PRDM10: variants seen among roughly 807,000 people sequenced by gnomAD.
PRDM10 encodes PR domain zinc finger protein 10.
A neutral mutation model predicts 133.1 loss-of-function variants in PRDM10; 65 were observed. That is an observed-to-expected ratio of 0.49 (90% CI 0.40 to 0.60). The LOEUF (loss-of-function observed/expected upper bound fraction) is 0.60, where lower values mean the gene tolerates loss of function less well. PRDM10 is among the 20% of genes least tolerant of loss of function. The pLI, the probability that PRDM10 is intolerant of heterozygous loss-of-function variation, is 0.00. For missense variants in PRDM10, 1,137 were observed against 1,507.1 expected (o/e 0.75, Z 4.07); for synonymous variants, 582 against 580.4 (o/e 1.00, Z -0.04).
At chr11:129,948,471 C>CCT (rs1951491708) in intron 4 of PRDM10, among the ~76,000 whole-genome samples, 2 of 152,198 alleles carry the variant, frequency 1.3e-5, no homozygotes, top group Admixed American at 6.5e-5. Context: ...CCCTGAGTCT[C>CCT]CTCTGCTCTG....
chr11:129,981,301 A>C (rs1002113057), intron 1 of PRDM10, among the ~76,000 whole-genome samples: 3 of 152,164 alleles, frequency 2.0e-5, no homozygotes, highest in African/African-American at 7.2e-5. Flanking sequence ...TGTTTGAAAT[A>C]AAAAGTAAAA....
Position 129,902,439 on chromosome 11 carries a change from G to A in PRDM10, c.3345C>T (p.Val1115=), listed in dbSNP as rs749667742. The A allele has an allele frequency of 1.2e-5, 19 of 1,614,024 alleles. No individual in the cohort carries two copies. Among genetic ancestry groups the A allele is most frequent in the Middle Eastern group, 1.6e-4 (1 of 6,084 alleles). The change falls in exon 21 of 21, where the codon GTC becomes GTT. Residue 1115 remains valine (V), a synonymous_variant. Transcript: ENST00000360871. ...GGGAGTCACTGTGTGCAGGTGGCTC[G>A]ACCTGGACTCCACCAGAGAGGGCAG... ...QTSALSGGVQ[V]EPPAHSDSLD... is the part of the protein sequence containing the mutation.
intron 2 of PRDM10, among the ~76,000 whole-genome samples, chr11:129,959,319 C>T (rs1196004212): frequency 6.6e-6 from 1 of 152,228 alleles, no homozygotes; most frequent in Non-Finnish European, 1.5e-5. Flanking sequence ...AAATTAGGCT[C>T]ATATTTAAGC....
chr11:129,941,766 C>A (rs1951214827), intron 7 of PRDM10, among the ~76,000 whole-genome samples: 1 of 152,212 alleles, frequency 6.6e-6, no homozygotes, highest in African/African-American at 2.4e-5. Context: ...TAGGTTAATG[C>A]AAGTGTTCTG....
intron 1 of PRDM10, among the ~76,000 whole-genome samples, chr11:130,002,162 G>A (rs1462837364): frequency 6.7e-6 from 1 of 148,836 alleles, no homozygotes; most frequent in Non-Finnish European, 1.5e-5. Flanking sequence ...CCAGCCCCCG[G>A]TGCTCGGCTC....
At chr11:129,913,813 T>C (rs905540725) in intron 17 of PRDM10, among the ~76,000 whole-genome samples, 4 of 152,182 alleles carry the variant, frequency 2.6e-5, no homozygotes, top group African/African-American at 9.7e-5. Context: ...AGAGACCAAA[T>C]GATTTCAAAG....
intron 11 of PRDM10, among the ~76,000 whole-genome samples, chr11:129,930,338 G>A (rs1388623877): frequency 6.6e-6 from 1 of 152,140 alleles, no homozygotes; most frequent in Non-Finnish European, 1.5e-5. Flanking sequence ...TTTTCCACAC[G>A]AATCCCCTGC....
chr11:130,001,699 TTTTAC>T (rs1385947803), intron 1 of PRDM10, among the ~76,000 whole-genome samples: 3 of 152,188 alleles, frequency 2.0e-5, no homozygotes, highest in African/African-American at 7.2e-5. Context: ...GAATATTCCA[TTTTAC>T]TTAGTAGAGT....
intron 13 of PRDM10, among the ~76,000 whole-genome samples, chr11:129,922,097 T>C (rs543655833): frequency 1.4e-4 from 22 of 152,352 alleles, no homozygotes; most frequent in African/African-American, 5.1e-4. Context: ...TATAATTAAG[T>C]TCTTAGTCCT....
Position 129,977,156 on chromosome 11 carries a change from C to T in PRDM10, c.-118-16074G>A, listed in dbSNP as rs573887011. On this transcript the variant is annotated intron_variant, in intron 1 of 20. Transcript: ENST00000360871. ...CAGGGTCTGGCCAGCCTGAGTCCCT[C>T]CAGCAGACAGAGCACAGTGCCCCTC... 9.9e-5 allele frequency among the ~76,000 whole-genome samples: 15 copies of T among 152,060 alleles called. No homozygotes were observed. The South Asian group carries it at 3.1e-3, about 32-fold the overall frequency.
At chr11:129,966,913 C>T (rs887004906) in intron 1 of PRDM10, among the ~76,000 whole-genome samples, 19 of 152,130 alleles carry the variant, frequency 1.2e-4, no homozygotes, top group African/African-American at 4.6e-4. Flanking sequence ...TGAAGAACTC[C>T]GAGTCCAAAA....
intron 1 of PRDM10, among the ~76,000 whole-genome samples, chr11:129,964,700 A>G (rs1277590343): frequency 1.3e-5 from 2 of 152,170 alleles, no homozygotes; most frequent in African/African-American, 4.8e-5. Flanking sequence ...GTTATTTCTA[A>G]TATTTTGCAA....
At chr11:129,950,806 T>C (rs1951562620) in intron 4 of PRDM10, among the ~76,000 whole-genome samples, 1 of 152,224 alleles carries the variant, frequency 6.6e-6, no homozygotes, top group South Asian at 2.1e-4. Context: ...GCAATTCAGT[T>C]ATTCTAGTAA....
intron 19 of PRDM10, among the ~76,000 whole-genome samples, chr11:129,909,895 A>G (rs1009540478): frequency 1.3e-5 from 2 of 152,224 alleles, no homozygotes; most frequent in African/African-American, 2.4e-5. Context: ...TCTGAAGCCA[A>G]ACTGCCTGGG....
intron 13 of PRDM10, among the ~76,000 whole-genome samples, chr11:129,921,079 G>A (rs985933654): frequency 2.0e-5 from 3 of 152,176 alleles, no homozygotes; most frequent in African/African-American, 7.2e-5. Flanking sequence ...TTACAGGCGT[G>A]AGCCACCGCA....
At position 129,910,471 on chromosome 11, in the gene PRDM10, C is replaced by G; in HGVS notation, c.3163+5G>C. 1.2e-6 allele frequency: 2 copies of G among 1,613,952 alleles called. No homozygotes were observed. The highest frequency in any genetic ancestry group is 1.7e-6 in the Non-Finnish European group (2 of 1,180,022). On this transcript the variant is annotated splice_donor_5th_base_variant and intron_variant, in intron 19 of 20. Coordinates refer to ENST00000360871, the MANE Select transcript of PRDM10 (RefSeq NM_199437.2). ...ACCGACACGGCATCGTCCCTTCTTA[C>G]TTACAATAGCCACGGAAGGAATTCC...
intron 1 of PRDM10, among the ~76,000 whole-genome samples, chr11:129,972,112 C>T (rs1167560966): frequency 3.3e-5 from 5 of 152,244 alleles, no homozygotes; most frequent in Non-Finnish European, 5.9e-5. Flanking sequence ...CTGGCTGCTC[C>T]GAGTGTGGGG....
intron 19 of PRDM10, among the ~76,000 whole-genome samples, chr11:129,909,449 C>CAA (rs564558552): frequency 8.3e-6 from 1 of 121,130 alleles, no homozygotes; most frequent in Non-Finnish European, 1.8e-5. Context: ...GACCCCATCT[C>CAA]AAAAAAAAAA....
chr11:129,958,899 G>A (rs752259053), intron 2 of PRDM10, among the ~76,000 whole-genome samples: 22 of 152,190 alleles, frequency 1.4e-4, no homozygotes, highest in Non-Finnish European at 2.8e-4. Context: ...ATGAAGTTTT[G>A]TAAAACACTT....
Sources: allele counts gnomAD v4.1 joint callset (sites outside exome capture counted in the v4.1 genomes callset), GRCh38; gene constraint gnomAD v4.1.1; transcripts MANE v1.5; gene names NCBI Gene and HGNC (gene_info 2026-07-23, HGNC 2026-07-21).